Variants in PCDHA5 observed in about 807,000 individuals in gnomAD.
PCDHA5 encodes the protein protocadherin alpha 5.
PCDHA5 carries 43 observed loss-of-function variants against 61.6 expected under a neutral mutation model. That is an observed-to-expected ratio of 0.70 (90% CI 0.55 to 0.90). The LOEUF is 0.90. PCDHA5 is among the 40% of genes least tolerant of loss of function. The pLI, the probability that PCDHA5 is intolerant of heterozygous loss-of-function variation, is 0.00. For missense variants in PCDHA5, 1,298 were observed against 1,222.7 expected (o/e 1.06, Z -0.92); for synonymous variants, 627 against 543.9 (o/e 1.15, Z -2.13).
At position 140,823,090 on chromosome 5, in the gene PCDHA5, A is replaced by G; in HGVS notation, c.1315A>G (p.Ser439Gly). ...CTCGCCTTCGCTGTGGGCCACCGCC[A>G]GCGTGTCTGTGGAAGTGGCCGACGT... is the stretch of plus-strand genomic sequence containing the variant. Reference protein sequence around the residue: ...GGSPSLWATASVSVEVADVND... With the variant: ...GGSPSLWATAGVSVEVADVND... Residue 439 changes from serine (S) to glycine (G), a missense_variant, in exon 1 of 4, where the codon AGC (serine) becomes GGC (glycine). Physicochemically the swap from Ser to Gly is moderately conservative, Grantham distance 56 (BLOSUM62 0). Transcript: ENST00000529859. 1 of 1,614,038 alleles carries G rather than the reference A, an allele frequency of 6.2e-7. No individual in the cohort carries two copies. Among genetic ancestry groups the G allele is most frequent in the Non-Finnish European group, 8.5e-7 (1 of 1,180,008 alleles).
chr5:140,822,882 T>C lies in PCDHA5; in HGVS notation c.1107T>C (p.Ala369=), dbSNP rs1554128937. ...KEDAPLSTVI[A]LISVSDRDSG... ...ACGCTCCACTCAGCACGGTCATTGC[T>C]CTGATCAGCGTGTCTGACCGTGACT... The change falls in exon 1 of 4, where the codon GCT becomes GCC. Residue 369 remains alanine, a synonymous_variant. Transcript: ENST00000529859. 45 of 1,614,098 alleles carry C rather than the reference T, an allele frequency of 2.8e-5. No individual in the cohort carries two copies. Among genetic ancestry groups the C allele is most frequent in the Non-Finnish European group, 3.7e-5 (44 of 1,180,042 alleles).
At chr5:140,870,241 G>A (rs782478787) in intron 1 of PCDHA5, 2 of 1,614,196 alleles carry the variant, frequency 1.2e-6, no homozygotes, top group South Asian at 1.1e-5. Flanking sequence ...TGACTCAGGT[G>A]TCAACGGACA....
Position 140,835,371 on chromosome 5 carries a change from C to G in PCDHA5, c.2352+11244C>G, listed in dbSNP as rs2150234593. On this transcript the variant is annotated intron_variant, in intron 1 of 3. Transcript: ENST00000529859. ...GGCTGTCGATAAAGGCTTCCCACCCCTGGCTGGTCATTGTACAGTTCTTGT... is the reference window on the plus strand; with the variant it reads ...GGCTGTCGATAAAGGCTTCCCACCCGTGGCTGGTCATTGTACAGTTCTTGT... The G allele has an allele frequency of 8.7e-6, 14 of 1,613,974 alleles. No homozygotes were observed. The highest frequency in any genetic ancestry group is 1.1e-5 in the Non-Finnish European group (13 of 1,179,870).
At chr5:140,829,527 C>T (rs113031368) in intron 1 of PCDHA5, 1 of 1,613,148 alleles carries the variant, frequency 6.2e-7, no homozygotes, top group African/African-American at 1.3e-5. Flanking sequence ...ACGGTGTCTG[C>T]GCGAGACGCG....
At chr5:140,908,726 G>A (rs1304356386) in intron 1 of PCDHA5, among the ~76,000 whole-genome samples, 3 of 152,188 alleles carry the variant, frequency 2.0e-5, no homozygotes, top group African/African-American at 4.8e-5. Flanking sequence ...TGGGTCATAT[G>A]GCTCGAGAAA....
intron 1 of PCDHA5, among the ~76,000 whole-genome samples, chr5:140,973,235 A>C (rs1390895303): frequency 6.6e-6 from 1 of 152,218 alleles, no homozygotes; most frequent in Non-Finnish European, 1.5e-5. Context: ...GTGACCTGAA[A>C]GAGTTAATTC....
chr5:140,941,820 C>T (rs2093176252), intron 1 of PCDHA5, among the ~76,000 whole-genome samples: 1 of 152,160 alleles, frequency 6.6e-6, no homozygotes, highest in Non-Finnish European at 1.5e-5. Flanking sequence ...AGGATGACTG[C>T]TGTAAATAAT....
intron 1 of PCDHA5, among the ~76,000 whole-genome samples, chr5:140,941,248 T>TTTCTTTC (rs2092963388): frequency 1.4e-5 from 2 of 141,492 alleles, no homozygotes; most frequent in African/African-American, 5.3e-5. Context: ...TCTTTCTTTC[T>TTTCTTTC]TTCTTTCTCT....
In PCDHA5 at chr5:140,937,039, C is replaced by CTT. The variant is rs34994034; in HGVS notation, c.2353-41895_2353-41894dup. On this transcript the variant is annotated intron_variant, in intron 1 of 3. Coordinates refer to ENST00000529859, the MANE Select transcript of PCDHA5 (RefSeq NM_018908.3). ...TAACAAGGTATATTCTTCCATTTATCTTTTTTTTTTTTTTTTGAGACGGAG... is the reference window on the plus strand; with the variant it reads ...TAACAAGGTATATTCTTCCATTTATCTTTTTTTTTTTTTTTTTTGAGACGGAG... 3.4e-3 allele frequency among the ~76,000 whole-genome samples: 476 copies of CTT among 140,122 alleles called. 6 individuals carry two copies. The highest frequency in any genetic ancestry group is 0.011 in the South Asian group (47 of 4,432). 91.9% of individuals were successfully genotyped at this position (140,122 alleles called of 152,430 possible).
chr5:140,899,969 A>G (rs2067649868), intron 1 of PCDHA5, among the ~76,000 whole-genome samples: 1 of 151,820 alleles, frequency 6.6e-6, no homozygotes, highest in African/African-American at 2.4e-5. Flanking sequence ...TGCCATGCCC[A>G]GCTACTTTTT....
At chr5:140,979,384 G>A (rs1243693033) in intron 2 of PCDHA5, among the ~76,000 whole-genome samples, 3 of 151,896 alleles carry the variant, frequency 2.0e-5, no homozygotes, top group African/African-American at 7.3e-5. Context: ...ATTGTGCAAT[G>A]TATACATACA....
intron 1 of PCDHA5, chr5:140,841,826 A>T: frequency 6.2e-7 from 1 of 1,613,900 alleles, no homozygotes; most frequent in Non-Finnish European, 8.5e-7. Flanking sequence ...CTCCGTGTTA[A>T]CCTACAGGCT....
chr5:140,841,277 C>T lies in PCDHA5; in HGVS notation c.2352+17150C>T. Reference sequence around the variant, plus strand: ...AGACTCTGAAAGTACAGTCGTTCATCTTTATATTAAGATAATATTTTCTGA... The same window carrying T: ...AGACTCTGAAAGTACAGTCGTTCATTTTTATATTAAGATAATATTTTCTGA... On this transcript the variant is annotated intron_variant, in intron 1 of 3. Coordinates refer to ENST00000529859, the MANE Select transcript of PCDHA5 (RefSeq NM_018908.3). 9 of 1,516,428 alleles carry T rather than the reference C, an allele frequency of 5.9e-6. 1 individual carries two copies. Among genetic ancestry groups the T allele is most frequent in the Non-Finnish European group, 8.0e-6 (9 of 1,128,112 alleles). The allele number at this position is 1,516,428 out of a possible 1,614,324, so 93.9% of individuals were successfully genotyped here. A position where few individuals can be genotyped will look rare whatever the true frequency, so the allele number is the denominator to read the frequency against.
chr5:140,842,246 G>C (rs1289361551), intron 1 of PCDHA5: 13 of 1,611,852 alleles, frequency 8.1e-6, no homozygotes, highest in Non-Finnish European at 1.1e-5. Flanking sequence ...GGGTAATTTG[G>C]ATTTTGAACA....
chr5:140,836,642 G>T, intron 1 of PCDHA5: 1 of 1,613,486 alleles, frequency 6.2e-7, no homozygotes, highest in Non-Finnish European at 8.5e-7. Context: ...TCTCCCAGCA[G>T]AGGCGGCAGA....
In PCDHA5 at chr5:140,822,870, C is replaced by T; in HGVS notation, c.1095C>T (p.Ser365=). Reference sequence around the variant, plus strand: ...CTGTCAAAGAGGACGCTCCACTCAGCACGGTCATTGCTCTGATCAGCGTGT... The same window carrying T: ...CTGTCAAAGAGGACGCTCCACTCAGTACGGTCATTGCTCTGATCAGCGTGT... ...FLPVKEDAPL[S]TVIALISVSD... is the part of the protein sequence containing the mutation. Residue 365 remains serine, a synonymous_variant, in exon 1 of 4, where the codon AGC becomes AGT. Coordinates refer to ENST00000529859, the MANE Select transcript of PCDHA5 (RefSeq NM_018908.3). 2 of 1,614,224 alleles carry T rather than the reference C, an allele frequency of 1.2e-6. No homozygotes were observed. Among genetic ancestry groups the T allele is most frequent in the Non-Finnish European group, 8.5e-7 (1 of 1,180,052 alleles).
chr5:140,836,238 A>C (rs1774313279), intron 1 of PCDHA5: 1 of 1,613,700 alleles, frequency 6.2e-7, no homozygotes, highest in Admixed American at 1.7e-5. Context: ...GGCCGGTGCG[A>C]GCATCCCGTT....
intron 1 of PCDHA5, among the ~76,000 whole-genome samples, chr5:140,905,387 G>T (rs1554192032): frequency 1.3e-5 from 2 of 152,138 alleles, no homozygotes; most frequent in African/African-American, 4.8e-5. Context: ...TGTTTCATAG[G>T]TCTGTGTGCC....
Position 140,842,658 on chromosome 5 carries a change from C to G in PCDHA5, c.2352+18531C>G, listed in dbSNP as rs2150341323. 21 of 1,595,206 alleles carry G rather than the reference C, an allele frequency of 1.3e-5. 2 individuals are homozygous for G. The highest frequency in any genetic ancestry group is 2.7e-5 in the African/African-American group (2 of 74,162). On this transcript the variant is annotated intron_variant, in intron 1 of 3. Transcript: ENST00000529859. ...ACCGCCAGCTTGTCTGTGGAGGTGG[C>G]CGACGTGAACGACAATGCTCCGGCG...
Sources: allele counts gnomAD v4.1 joint callset (sites outside exome capture counted in the v4.1 genomes callset), GRCh38; gene constraint gnomAD v4.1.1; transcripts MANE v1.5; gene names NCBI Gene and HGNC (gene_info 2026-07-23, HGNC 2026-07-21).